PPME1: variants seen among roughly 807,000 people sequenced by gnomAD.
The protein encoded by PPME1 is testicular secretory protein Li 39.
PPME1 carries 17 observed loss-of-function variants against 56.9 expected under a neutral mutation model. The observed-to-expected ratio is 0.30, with a 90% confidence interval of 0.20 to 0.45. The LOEUF (loss-of-function observed/expected upper bound fraction) is 0.45. PPME1 is among the 20% of genes least tolerant of loss of function. PPME1 has a pLI of 1.00. For synonymous variants in PPME1, 122 were observed against 156.2 expected (o/e 0.78, Z 1.63); for missense variants, 357 against 483.2 (o/e 0.74, Z 2.45).
intron 9 of PPME1, among the ~76,000 whole-genome samples, chr11:74,239,958 ATT>A (rs760748505): frequency 6.7e-5 from 6 of 89,904 alleles, no homozygotes; most frequent in Non-Finnish European, 7.2e-5. Flanking sequence ...TTTTCTTTCC[ATT>A]TTTTTTTTTT....
chr11:74,243,019 A>G (rs899042796), intron 9 of PPME1, among the ~76,000 whole-genome samples: 1 of 152,092 alleles, frequency 6.6e-6, no homozygotes, highest in Non-Finnish European at 1.5e-5. Context: ...GTTTTTAAAC[A>G]CTTTTCCAGT....
At chr11:74,182,914 T>C (rs527943233) in intron 1 of PPME1, among the ~76,000 whole-genome samples, 16 of 151,088 alleles carry the variant, frequency 1.1e-4, no homozygotes, top group African/African-American at 3.2e-4. Flanking sequence ...CCCAACACTT[T>C]GGGAGGCTGA....
chr11:74,191,831 G>T (rs1422374718), intron 1 of PPME1, among the ~76,000 whole-genome samples: 1 of 152,214 alleles, frequency 6.6e-6, no homozygotes, highest in Non-Finnish European at 1.5e-5. Flanking sequence ...AGATTTCAGG[G>T]CATATATGAG....
chr11:74,171,621 A>G, intron 1 of PPME1, 99 bp downstream of exon 1: 3 of 1,395,198 alleles, frequency 2.2e-6, no homozygotes, highest in South Asian at 3.0e-5. Context: ...GAGTCTACTG[A>G]TAGGAGAAAA....
chr11:74,253,301 T>A (rs1353073713), intron 13 of PPME1, among the ~76,000 whole-genome samples, 191 bp from the exon 14 acceptor site: 1 of 152,194 alleles, frequency 6.6e-6, no homozygotes, highest in Non-Finnish European at 1.5e-5. Context: ...TTCGACCATT[T>A]GGAGCCTTGG....
Position 74,171,349 on chromosome 11 carries a change from A to C in PPME1, c.-73A>C. The C allele has an allele frequency of 2.0e-6, 3 of 1,534,820 alleles. No homozygotes were observed. The highest frequency in any genetic ancestry group is 2.6e-6 in the Non-Finnish European group (3 of 1,137,930). ...GGCGTCGTTAGGGGAGCGAGTCGTGACCGGTTGGGCCACACTCAACGTGGG... is the reference window on the plus strand; with the variant it reads ...GGCGTCGTTAGGGGAGCGAGTCGTGCCCGGTTGGGCCACACTCAACGTGGG... On this transcript the variant is annotated 5_prime_UTR_variant, in exon 1 of 14. Coordinates refer to ENST00000328257, the MANE Select transcript of PPME1 (RefSeq NM_016147.3).
intron 1 of PPME1, among the ~76,000 whole-genome samples, chr11:74,200,223 A>G (rs1858116297): frequency 6.6e-6 from 1 of 152,258 alleles, no homozygotes; most frequent in South Asian, 2.1e-4. Context: ...TCTAAACTAT[A>G]TCCCTAAAAT....
intron 1 of PPME1, among the ~76,000 whole-genome samples, chr11:74,188,669 T>C (rs1034640455): frequency 1.3e-5 from 2 of 152,242 alleles, no homozygotes; most frequent in African/African-American, 2.4e-5. Context: ...TATCCAAATA[T>C]GTATGTATAT....
intron 11 of PPME1, 76 bp from the exon 12 acceptor site, chr11:74,250,855 ATGGGGAGGTAGGTCCTGGGCTCC>A: frequency 1.0e-6 from 1 of 984,434 alleles, no homozygotes; most frequent in East Asian, 2.6e-5. Flanking sequence ...GAGGTTGGAA[ATGGGGAGGTAGGTCCTGGGCTCC>A]TGGAATGACC....
chr11:74,220,461 G>A (rs991720807), intron 3 of PPME1, among the ~76,000 whole-genome samples: 1 of 152,152 alleles, frequency 6.6e-6, no homozygotes, highest in Non-Finnish European at 1.5e-5. Flanking sequence ...TAGTATTTAG[G>A]TGATTGATTC....
intron 1 of PPME1, among the ~76,000 whole-genome samples, chr11:74,197,000 T>C (rs560594747): frequency 6.6e-6 from 1 of 152,276 alleles, no homozygotes; most frequent in Admixed American, 6.5e-5. Flanking sequence ...CCCAGCCTCA[T>C]TTTCCTAGCC....
At position 74,222,431 on chromosome 11, in the gene PPME1, TG is replaced by T; in HGVS notation, c.346+63del. On this transcript the variant is annotated intron_variant, in intron 4 of 13. Coordinates refer to ENST00000328257, the MANE Select transcript of PPME1 (RefSeq NM_016147.3). ...TAGTCATCAAGCCCCTTTGAATAGTTGTAACTATTAGAAATTTCAACGTGGC... is the reference window on the plus strand; with the variant it reads ...TAGTCATCAAGCCCCTTTGAATAGTTTAACTATTAGAAATTTCAACGTGGC... The T allele has an allele frequency of 2.2e-6, 3 of 1,389,126 alleles. No individual in the cohort carries two copies. In the Admixed American group the frequency reaches 5.2e-5, roughly 24 times the overall value. 86.1% of individuals were successfully genotyped at this position (1,389,126 alleles called of 1,614,324 possible).
chr11:74,228,649 G>C (rs1375709457), intron 5 of PPME1, among the ~76,000 whole-genome samples: 5 of 152,150 alleles, frequency 3.3e-5, no homozygotes, highest in Non-Finnish European at 7.3e-5. Context: ...TTACTTGGTA[G>C]AAATGCAATA....
At chr11:74,211,710 A>G (rs115794449) in intron 3 of PPME1, among the ~76,000 whole-genome samples, 2,561 of 152,292 alleles carry the variant, frequency 0.017, 40 homozygotes, top group African/African-American at 0.03. Context: ...TGCAAAACAA[A>G]CTATAGGCAA....
At position 74,240,793 on chromosome 11, in the gene PPME1, G is replaced by A. The variant is rs148636660; in HGVS notation, c.834+1537G>A. Reference sequence around the variant, plus strand: ...TCAGAAGTTAAGAGACTTGCCCAAGGTAATCAAGAACGCATTTAGTAGATT... The same window carrying A: ...TCAGAAGTTAAGAGACTTGCCCAAGATAATCAAGAACGCATTTAGTAGATT... On this transcript the variant is annotated intron_variant, in intron 9 of 13. Transcript: ENST00000328257. Among the ~76,000 whole-genome samples, 542 of 152,274 alleles carry A rather than the reference G, an allele frequency of 3.6e-3. 2 individuals carry two copies. Among genetic ancestry groups the A allele is most frequent in the African/African-American group, 0.012 (515 of 41,550 alleles).
At chr11:74,198,363 A>T (rs1385043511) in intron 1 of PPME1, among the ~76,000 whole-genome samples, 1 of 151,976 alleles carries the variant, frequency 6.6e-6, no homozygotes, top group Non-Finnish European at 1.5e-5. Context: ...ATTGCAACAT[A>T]TTTTTTCCCA....
chr11:74,231,637 T>C (rs1027021538), intron 7 of PPME1, among the ~76,000 whole-genome samples: 33 of 152,246 alleles, frequency 2.2e-4, no homozygotes, highest in African/African-American at 7.7e-4. Context: ...TAGTAATTAT[T>C]GATCATCTGC....
In PPME1 at chr11:74,240,219, G is replaced by A. The variant is rs138131974; in HGVS notation, c.834+963G>A. 2.5e-3 allele frequency among the ~76,000 whole-genome samples: 377 copies of A among 152,146 alleles called. 1 individual carries two copies. Among genetic ancestry groups the A allele is most frequent in the African/African-American group, 8.8e-3 (365 of 41,502 alleles). Reference sequence around the variant, plus strand: ...GTTGTACATATTAAGTCATAGAACTGATTTTATAAGTCACACTCAGAAATA... The same window carrying A: ...GTTGTACATATTAAGTCATAGAACTAATTTTATAAGTCACACTCAGAAATA... On this transcript the variant is annotated intron_variant, in intron 9 of 13. Coordinates refer to ENST00000328257, the MANE Select transcript of PPME1 (RefSeq NM_016147.3).
chr11:74,242,828 G>C (rs1050210466), intron 9 of PPME1, among the ~76,000 whole-genome samples: 1 of 140,708 alleles, frequency 7.1e-6, no homozygotes. Context: ...GCAGTGAGCC[G>C]AGATTGTGCC....
Sources: allele counts gnomAD v4.1 joint callset (sites outside exome capture counted in the v4.1 genomes callset), GRCh38; gene constraint gnomAD v4.1.1; transcripts MANE v1.5; gene names NCBI Gene and HGNC (gene_info 2026-07-23, HGNC 2026-07-21).